The following PDE11A variants were observed in gnomAD, a reference collection of about 807,000 sequenced individuals.
The protein encoded by PDE11A is dual 3',5'-cyclic-AMP and -GMP phosphodiesterase 11A.
Under a neutral mutation model 100.5 loss-of-function variants are expected in PDE11A, and 100 were observed. That is an observed-to-expected ratio of 1.00 (90% CI 0.85 to 1.18). PDE11A has a LOEUF of 1.18. Ranked by LOEUF, PDE11A falls within the 50% of genes most tolerant of loss-of-function variation. PDE11A has a pLI of 0.00. For missense variants in PDE11A, 1,141 were observed against 1,152.6 expected (o/e 0.99, Z 0.15); for synonymous variants, 381 against 420.8 (o/e 0.91, Z 1.16).
intron 13 of PDE11A, among the ~76,000 whole-genome samples, chr2:177,708,188 T>A (rs75083619): frequency 0.017 from 2,516 of 152,166 alleles, 64 homozygotes; most frequent in African/African-American, 0.057. Context: ...TCATTGCAGC[T>A]CTATTCACAA....
At chr2:178,008,452 G>A (rs2086237944) in intron 2 of PDE11A, among the ~76,000 whole-genome samples, 1 of 152,104 alleles carries the variant, frequency 6.6e-6, no homozygotes, top group African/African-American at 2.4e-5. Flanking sequence ...TCCCATGCAA[G>A]TCATACATGT....
At chr2:177,684,702 T>A (rs140146678) in intron 15 of PDE11A, among the ~76,000 whole-genome samples, 1 of 152,324 alleles carries the variant, frequency 6.6e-6, no homozygotes, top group East Asian at 1.9e-4. Context: ...GATGGGAGGA[T>A]CAAAGGAAAT....
At chr2:178,006,214 T>G (rs2086209121) in intron 2 of PDE11A, among the ~76,000 whole-genome samples, 1 of 152,182 alleles carries the variant, frequency 6.6e-6, no homozygotes, top group Non-Finnish European at 1.5e-5. Flanking sequence ...TTTTGGGGAC[T>G]TCTGGAAAAA....
chr2:177,981,881 A>C (rs1232281318), intron 2 of PDE11A, among the ~76,000 whole-genome samples: 1 of 150,962 alleles, frequency 6.6e-6, no homozygotes, highest in Admixed American at 6.6e-5. Flanking sequence ...GGAATGACAT[A>C]GGTATGAACT....
intron 1 of PDE11A, among the ~76,000 whole-genome samples, chr2:178,045,009 G>C (rs2086731843): frequency 2.6e-5 from 4 of 152,166 alleles, no homozygotes; most frequent in South Asian, 4.1e-4. Flanking sequence ...TGGATCAATA[G>C]ATCACCGGTA....
At chr2:177,829,302 C>T (rs2083273604) in intron 6 of PDE11A, among the ~76,000 whole-genome samples, 1 of 152,062 alleles carries the variant, frequency 6.6e-6, no homozygotes, top group East Asian at 1.9e-4. Flanking sequence ...TTATTCTATA[C>T]ATACTTCTAT....
intron 16 of PDE11A, among the ~76,000 whole-genome samples, chr2:177,679,336 G>A (rs1453299380): frequency 6.6e-6 from 1 of 152,192 alleles, no homozygotes; most frequent in African/African-American, 2.4e-5. Context: ...ATGTAGTTGA[G>A]TGGAAAACCA....
chr2:177,988,772 G>A (rs2085969282), intron 2 of PDE11A, among the ~76,000 whole-genome samples: 1 of 152,188 alleles, frequency 6.6e-6, no homozygotes, highest in Admixed American at 6.5e-5. Flanking sequence ...TCAAAAGGAT[G>A]AGCCAAGCTG....
At chr2:177,660,373 A>C (rs1313154583) in intron 19 of PDE11A, among the ~76,000 whole-genome samples, 1 of 152,084 alleles carries the variant, frequency 6.6e-6, no homozygotes, top group Non-Finnish European at 1.5e-5. Context: ...TACCACAATG[A>C]CATGCTGTCT....
chr2:177,712,687 G>T (rs1402160207), intron 12 of PDE11A, among the ~76,000 whole-genome samples: 1 of 152,130 alleles, frequency 6.6e-6, no homozygotes, highest in Admixed American at 6.6e-5. Flanking sequence ...GGTTGCTGCT[G>T]GCCCTTTCAT....
intron 19 of PDE11A, among the ~76,000 whole-genome samples, chr2:177,644,587 T>G (rs1487964240): frequency 6.6e-6 from 1 of 152,250 alleles, no homozygotes; most frequent in Non-Finnish European, 1.5e-5. Flanking sequence ...GACTTTGGAC[T>G]GTGAACTTTT....
intron 6 of PDE11A, among the ~76,000 whole-genome samples, chr2:177,823,821 ATCATTGTACAG>A (rs2083184397): frequency 6.6e-6 from 1 of 152,172 alleles, no homozygotes; most frequent in Admixed American, 6.5e-5. Flanking sequence ...AGCGACACAT[ATCATTGTACAG>A]ACCATTGGGT....
chr2:177,708,120 G>A (rs1453882223), intron 13 of PDE11A, among the ~76,000 whole-genome samples: 2 of 152,200 alleles, frequency 1.3e-5, no homozygotes, highest in Admixed American at 6.5e-5. Flanking sequence ...CATACACAAC[G>A]TACACAATGG....
chr2:177,632,255 C>A (rs996066624), intron 19 of PDE11A, among the ~76,000 whole-genome samples: 1 of 152,186 alleles, frequency 6.6e-6, no homozygotes, highest in African/African-American at 2.4e-5. Flanking sequence ...ACAATTCCAA[C>A]CAGCTAGTAA....
At chr2:177,745,525 GC>G (rs1293712968) in intron 10 of PDE11A, among the ~76,000 whole-genome samples, 1 of 152,192 alleles carries the variant, frequency 6.6e-6, no homozygotes, top group Non-Finnish European at 1.5e-5. Context: ...CCCAGGTGAT[GC>G]CAGTGAGATG....
chr2:178,080,518 G>T (rs1278269256), intron 2 of PDE11A, among the ~76,000 whole-genome samples: 1 of 151,946 alleles, frequency 6.6e-6, no homozygotes, highest in Non-Finnish European at 1.5e-5. Flanking sequence ...TCCAACAACA[G>T]ATTTTAATTT....
At chr2:178,042,092 G>A (rs986426546) in intron 1 of PDE11A, among the ~76,000 whole-genome samples, 64 of 152,266 alleles carry the variant, frequency 4.2e-4, no homozygotes, top group Non-Finnish European at 8.2e-4. Flanking sequence ...AGGACAATTA[G>A]TAAATGTAAT....
intron 2 of PDE11A, among the ~76,000 whole-genome samples, chr2:177,993,355 C>T (rs954194014): frequency 1.3e-5 from 2 of 150,294 alleles, no homozygotes; most frequent in Admixed American, 1.3e-4. Flanking sequence ...CTCGAAACCT[C>T]TTTATTTTTC....
intron 2 of PDE11A, among the ~76,000 whole-genome samples, chr2:177,935,815 C>A (rs189808487): frequency 1.3e-5 from 2 of 152,252 alleles, no homozygotes; most frequent in African/African-American, 4.8e-5. Context: ...TAACATCAGC[C>A]AAAAGGGAGT....
Sources: gnomAD v4.1 joint callset for allele counts (sites outside exome capture counted in the v4.1 genomes callset) on GRCh38, gnomAD v4.1.1 for gene constraint, MANE v1.5 for transcripts, NCBI Gene and HGNC (gene_info 2026-07-23, HGNC 2026-07-21) for gene names.